ZNF385B: variants seen among roughly 807,000 people sequenced by gnomAD.
ZNF385B encodes the protein zinc finger protein 385B, also known as zinc finger protein 533.
In ZNF385B, 23 loss-of-function variants were observed where a neutral mutation model predicts 39.2. The ratio of observed to expected loss-of-function variants is 0.59; its 90% confidence interval spans 0.42 to 0.83. The LOEUF is 0.83. ZNF385B is among the 40% of genes least tolerant of loss of function. ZNF385B has a pLI of 0.00. For synonymous variants in ZNF385B, 205 were observed against 222.6 expected, an observed-to-expected ratio of 0.92 and a Z score of 0.70; for missense variants, 552 against 598.9, an observed-to-expected ratio of 0.92 and a Z score of 0.82.
At chr2:179,791,560 G>A (rs1024428808) in intron 1 of ZNF385B, among the ~76,000 whole-genome samples, 1 of 152,192 alleles carries the variant, frequency 6.6e-6, no homozygotes, top group African/African-American at 2.4e-5. Flanking sequence ...GGCCAGGCTA[G>A]TGAGGCAGGT....
At chr2:179,685,867 G>A (rs1697884026) in intron 3 of ZNF385B, among the ~76,000 whole-genome samples, 1 of 152,138 alleles carries the variant, frequency 6.6e-6, no homozygotes, top group African/African-American at 2.4e-5. Flanking sequence ...AACCAGGATG[G>A]ACTACACACA....
At chr2:179,665,939 C>T (rs1455701578) in intron 3 of ZNF385B, among the ~76,000 whole-genome samples, 1 of 152,096 alleles carries the variant, frequency 6.6e-6, no homozygotes, top group Non-Finnish European at 1.5e-5. Context: ...CAGCAAAATG[C>T]TCTGACTGTT....
At chr2:179,653,624 C>T (rs1215461927) in intron 3 of ZNF385B, among the ~76,000 whole-genome samples, 1 of 152,138 alleles carries the variant, frequency 6.6e-6, no homozygotes, top group East Asian at 1.9e-4. Flanking sequence ...ACTGATACCA[C>T]ATACAATAGA....
At chr2:179,858,123 TAAG>T (rs1186529948) in intron 1 of ZNF385B, among the ~76,000 whole-genome samples, 2 of 151,908 alleles carry the variant, frequency 1.3e-5, no homozygotes, top group African/African-American at 4.8e-5. Flanking sequence ...TAGAAACAGA[TAAG>T]AAGACTGAAA....
intron 3 of ZNF385B, among the ~76,000 whole-genome samples, chr2:179,638,466 C>G (rs1205637194): frequency 1.3e-5 from 2 of 151,888 alleles, no homozygotes; most frequent in Admixed American, 1.3e-4. Flanking sequence ...TGTTGTAGGA[C>G]TGAGGAAATA....
At chr2:179,480,176 A>T (rs1457476121) in intron 6 of ZNF385B, among the ~76,000 whole-genome samples, 2 of 152,156 alleles carry the variant, frequency 1.3e-5, no homozygotes, top group Non-Finnish European at 2.9e-5. Flanking sequence ...ACTTAAGCCC[A>T]CTTGACAGGA....
chr2:179,583,988 T>C (rs1436700269), intron 3 of ZNF385B: 4 of 1,272,184 alleles, frequency 3.1e-6, no homozygotes, highest in African/African-American at 1.5e-5. Context: ...GCATCTGCCA[T>C]GTGCCAAACA....
intron 3 of ZNF385B, among the ~76,000 whole-genome samples, chr2:179,679,139 C>A (rs1045476653): frequency 4.6e-5 from 7 of 152,154 alleles, no homozygotes; most frequent in Non-Finnish European, 8.8e-5. Flanking sequence ...GACTGAACTG[C>A]AGTTCAAAGA....
intron 3 of ZNF385B, among the ~76,000 whole-genome samples, chr2:179,618,509 T>C (rs1468353995): frequency 6.6e-6 from 1 of 152,206 alleles, no homozygotes; most frequent in African/African-American, 2.4e-5. Flanking sequence ...TTCCAGTTCA[T>C]AGTTCCTTAT....
At chr2:179,694,540 C>T (rs1698574853) in intron 3 of ZNF385B, among the ~76,000 whole-genome samples, 1 of 152,102 alleles carries the variant, frequency 6.6e-6, no homozygotes, top group Admixed American at 6.6e-5. Context: ...TGACACATAG[C>T]CACACTGTTT....
chr2:179,827,197 G>C (rs1707726174), intron 1 of ZNF385B, among the ~76,000 whole-genome samples: 1 of 152,164 alleles, frequency 6.6e-6, no homozygotes, highest in Non-Finnish European at 1.5e-5. Context: ...CTAGAGCAAA[G>C]ACTAGTTCGT....
At chr2:179,523,009 C>A in intron 4 of ZNF385B, 1 of 293,460 alleles carries the variant, frequency 3.4e-6, no homozygotes. Context: ...ATTTTCCTTG[C>A]TTTTCTTTGA....
intron 1 of ZNF385B, among the ~76,000 whole-genome samples, chr2:179,831,092 C>T (rs1269775109): frequency 6.6e-6 from 1 of 152,022 alleles, no homozygotes; most frequent in Non-Finnish European, 1.5e-5. Flanking sequence ...TTGTAATACT[C>T]ATGAAATGGG....
At chr2:179,643,870 A>T (rs1322565828) in intron 3 of ZNF385B, among the ~76,000 whole-genome samples, 4 of 152,124 alleles carry the variant, frequency 2.6e-5, no homozygotes, top group Admixed American at 6.6e-5. Flanking sequence ...ATTGTTTATT[A>T]AAAAATGAAA....
intron 3 of ZNF385B, among the ~76,000 whole-genome samples, chr2:179,692,949 T>C (rs1010046165): frequency 1.3e-5 from 2 of 152,194 alleles, no homozygotes; most frequent in African/African-American, 2.4e-5. Context: ...CTGGACCTCA[T>C]AGACCCTGGC....
At chr2:179,824,696 A>G (rs1055620232) in intron 1 of ZNF385B, among the ~76,000 whole-genome samples, 2 of 152,132 alleles carry the variant, frequency 1.3e-5, no homozygotes, top group Non-Finnish European at 2.9e-5. Context: ...CCAAAGCACC[A>G]TATATTTTGA....
At chr2:179,592,918 A>G (rs764450263) in intron 3 of ZNF385B, among the ~76,000 whole-genome samples, 4 of 152,106 alleles carry the variant, frequency 2.6e-5, no homozygotes, top group South Asian at 2.1e-4. Flanking sequence ...GGGAATGTCA[A>G]TTTTCATATG....
intron 4 of ZNF385B, among the ~76,000 whole-genome samples, chr2:179,526,646 A>G (rs1166326906): frequency 6.6e-6 from 1 of 152,164 alleles, no homozygotes; most frequent in Non-Finnish European, 1.5e-5. Context: ...AGAACATTAC[A>G]CAGGGAGTGC....
chr2:179,688,523 CAGAA>C (rs1698106840), intron 3 of ZNF385B, among the ~76,000 whole-genome samples: 4 of 150,944 alleles, frequency 2.6e-5, no homozygotes, highest in South Asian at 2.1e-4. Context: ...ACAACAAAAA[CAGAA>C]AGAAAGAAGA....
Sources: gnomAD v4.1 joint callset for allele counts (sites outside exome capture counted in the v4.1 genomes callset) on GRCh38, gnomAD v4.1.1 for gene constraint, MANE v1.5 for transcripts, NCBI Gene and HGNC (gene_info 2026-07-23, HGNC 2026-07-21) for gene names.